LTBP2: variants seen among roughly 807,000 people sequenced by gnomAD.
LTBP2 encodes latent-transforming growth factor beta-binding protein 2.
A neutral mutation model predicts 210.6 loss-of-function variants in LTBP2; 103 were observed. The ratio of observed to expected loss-of-function variants is 0.49; its 90% CI spans 0.42 to 0.58. The LOEUF is 0.58. Ranked by LOEUF, LTBP2 falls within the 20% of genes least tolerant of loss-of-function variation. The probability of loss-of-function intolerance (pLI) is 0.00; values close to 1 mark genes in which losing one functional copy is unlikely to be tolerated. For synonymous variants in LTBP2, 1,007 were observed against 1,015.0 expected, an observed-to-expected ratio of 0.99 and a Z score of 0.15; for missense variants, 2,313 against 2,494.5, an observed-to-expected ratio of 0.93 and a Z score of 1.55.
intron 19 of LTBP2, 49 bp downstream of exon 19, chr14:74,511,196 G>A: frequency 6.2e-7 from 1 of 1,612,184 alleles, no homozygotes; most frequent in Non-Finnish European, 8.5e-7. Flanking sequence ...CTCAACCAGA[G>A]GTCCCAAGGC....
chr14:74,506,237 G>A (rs764260203), intron 27 of LTBP2, 46 bp from the exon 28 acceptor site: 19 of 1,613,344 alleles, frequency 1.2e-5, no homozygotes, highest in South Asian at 3.3e-5. Context: ...GAGGCAGCCC[G>A]TGCCCCCTGC....
intron 3 of LTBP2, among the ~76,000 whole-genome samples, chr14:74,566,763 G>T (rs544601008): frequency 1.3e-4 from 20 of 152,238 alleles, no homozygotes; most frequent in African/African-American, 4.8e-4. Context: ...TGTCCCCAAG[G>T]AGTCTCAAGA....
chr14:74,611,355 A>G (rs1183612541), intron 1 of LTBP2, 96 bp downstream of exon 1: 45 of 1,313,670 alleles, frequency 3.4e-5, no homozygotes, highest in Non-Finnish European at 4.3e-5. Context: ...GGACGAGGGT[A>G]TGAGAGCGGC....
intron 2 of LTBP2, among the ~76,000 whole-genome samples, chr14:74,589,405 C>T (rs1036643342): frequency 1.3e-5 from 2 of 152,186 alleles, no homozygotes; most frequent in African/African-American, 4.8e-5. Flanking sequence ...ACCAAGGGCA[C>T]TCAAGACCAG....
rs756099075 is a variant in LTBP2 at position 74,504,072 on chromosome 14, G to GAGGTGAGAGGA, written c.4454-29_4454-19dup. The GAGGTGAGAGGA allele has an allele frequency of 1.9e-6, 3 of 1,613,410 alleles. No individual in the cohort carries two copies. Among genetic ancestry groups the GAGGTGAGAGGA allele is most frequent in the East Asian group, 2.2e-5 (1 of 44,866 alleles). ...ATCCGCATCTGTGGAAGGCAGAGCT[G>GAGGTGAGAGGA]AGGTGAGAGGAAGGTGAGAGGCAGT... On this transcript the variant is annotated intron_variant, in intron 30 of 35. Transcript: ENST00000261978.
chr14:74,585,716 G>T, intron 3 of LTBP2, 138 bp downstream of exon 3: 3 of 1,384,306 alleles, frequency 2.2e-6, no homozygotes, highest in Non-Finnish European at 3.0e-6. Flanking sequence ...GCCAGGGAAA[G>T]CCAAGGAGGG....
At position 74,611,489 on chromosome 14, in the gene LTBP2, C is replaced by A; in HGVS notation, c.456G>T (p.Gly152=). The A allele has an allele frequency of 6.6e-7, 1 of 1,507,574 alleles. No homozygotes were observed. Among genetic ancestry groups the A allele is most frequent in the Non-Finnish European group, 8.8e-7 (1 of 1,140,912 alleles). The allele number at this position is 1,507,574 out of a possible 1,614,324, so 93.4% of individuals were successfully genotyped here. A position where few individuals can be genotyped will look rare whatever the true frequency, so the allele number is the denominator to read the frequency against. Reference sequence around the variant, plus strand: ...CTCGCGGCGGGGTTGGGGGCGCAGCCCCAGACCGCTGTGGGGTCCCCAGGC... The same window carrying A: ...CTCGCGGCGGGGTTGGGGGCGCAGCACCAGACCGCTGTGGGGTCCCCAGGC... ...LPRLGTPQRS[G]AAPPTPPRGR... The change falls in exon 1 of 36, where the codon GGG becomes GGT. Residue 152 remains glycine (G), a synonymous_variant. Transcript: ENST00000261978.
chr14:74,535,375 C>A (rs570670638), intron 9 of LTBP2, among the ~76,000 whole-genome samples: 2 of 152,318 alleles, frequency 1.3e-5, no homozygotes, highest in South Asian at 2.1e-4. Context: ...AGGGAAGCCA[C>A]CTTGTTCCCC....
At position 74,579,708 on chromosome 14, in the gene LTBP2, G is replaced by A. The variant is rs183092264; in HGVS notation, c.830+6146C>T. Among the ~76,000 whole-genome samples the A allele has an allele frequency of 1.5e-3, 221 of 152,240 alleles. 3 individuals are homozygous for A. The highest frequency in any genetic ancestry group is 8.6e-3 in the Admixed American group (131 of 15,298). ...CCCTGGCCCTTCCCTGTCTCCCCAC[G>A]GACAAAAACTCAGAGAGATTAGTGC... is the stretch of plus-strand genomic sequence containing the variant. On this transcript the variant is annotated intron_variant, in intron 3 of 35. Coordinates refer to ENST00000261978, the MANE Select transcript of LTBP2 (RefSeq NM_000428.3).
At chr14:74,542,060 C>T (rs2087514902) in intron 8 of LTBP2, among the ~76,000 whole-genome samples, 1 of 152,190 alleles carries the variant, frequency 6.6e-6, no homozygotes, top group South Asian at 2.1e-4. Flanking sequence ...GCCTTTCAGA[C>T]TCTTAGACTT....
intron 1 of LTBP2, among the ~76,000 whole-genome samples, chr14:74,611,011 C>T (rs1194060222): frequency 6.6e-6 from 1 of 152,182 alleles, no homozygotes. Flanking sequence ...CTCCATGGGG[C>T]CCCCGACACC....
chr14:74,589,804 T>C (rs1377045582), intron 2 of LTBP2, among the ~76,000 whole-genome samples: 1 of 151,932 alleles, frequency 6.6e-6, no homozygotes, highest in East Asian at 1.9e-4. Context: ...AGGGAGGGAA[T>C]AGAATGGGAA....
At chr14:74,594,877 C>T (rs1351348670) in intron 2 of LTBP2, among the ~76,000 whole-genome samples, 1 of 152,168 alleles carries the variant, frequency 6.6e-6, no homozygotes, top group Admixed American at 6.5e-5. Flanking sequence ...GGCTGTGTCT[C>T]CCAGGCCCTG....
In LTBP2 at chr14:74,553,679, GGGTCCGGAGGC is replaced by G. The variant is rs974938140; in HGVS notation, c.1022-628_1022-618del. 2.6e-5 allele frequency among the ~76,000 whole-genome samples: 4 copies of G among 152,088 alleles called. No homozygotes were observed. The East Asian group carries it at 7.7e-4, about 29-fold the overall frequency. ...ATCATGCTGGCTTTGATGTGCTGGG[GGGTCCGGAGGC>G]AGGGTGACCACCTGGGAGGTCATGG... On this transcript the variant is annotated intron_variant, in intron 4 of 35. Coordinates refer to ENST00000261978, the MANE Select transcript of LTBP2 (RefSeq NM_000428.3).
At chr14:74,577,004 T>C (rs915978985) in intron 3 of LTBP2, among the ~76,000 whole-genome samples, 3 of 152,148 alleles carry the variant, frequency 2.0e-5, no homozygotes, top group African/African-American at 7.2e-5. Context: ...TGCTTAGTGA[T>C]GTTAAGTGGC....
intron 3 of LTBP2, among the ~76,000 whole-genome samples, chr14:74,572,102 C>T (rs551202740): frequency 1.5e-4 from 23 of 152,280 alleles, no homozygotes; most frequent in African/African-American, 5.5e-4. Flanking sequence ...GCAATCTTCC[C>T]GGTGTCATCT....
chr14:74,522,961 G>T (rs750433119), intron 15 of LTBP2, 43 bp from the exon 16 acceptor site: 3 of 1,597,180 alleles, frequency 1.9e-6, no homozygotes, highest in East Asian at 2.3e-5. Flanking sequence ...CAGGGTGGGT[G>T]CTGGACAAAG....
chr14:74,524,476 C>A (rs1221118533), intron 15 of LTBP2, among the ~76,000 whole-genome samples: 3 of 152,086 alleles, frequency 2.0e-5, no homozygotes, highest in Non-Finnish European at 4.4e-5. Flanking sequence ...GCCCCAGGAG[C>A]GGGCACACAC....
intron 2 of LTBP2, among the ~76,000 whole-genome samples, chr14:74,589,542 T>C (rs2088252274): frequency 6.6e-6 from 1 of 152,166 alleles, no homozygotes; most frequent in Admixed American, 6.5e-5. Flanking sequence ...GGCCTCTAGG[T>C]AAAACCATGT....
Sources: gnomAD v4.1 joint callset for allele counts (sites outside exome capture counted in the v4.1 genomes callset) on GRCh38, gnomAD v4.1.1 for gene constraint, MANE v1.5 for transcripts, NCBI Gene and HGNC (gene_info 2026-07-23, HGNC 2026-07-21) for gene names.